The following SAMD3 variants were observed in gnomAD, a reference collection of about 807,000 sequenced individuals.
The protein encoded by SAMD3 is sterile alpha motif domain-containing protein 3.
A neutral mutation model predicts 58.5 loss-of-function variants in SAMD3; 63 were observed. That is an observed-to-expected ratio of 1.08 (90% CI 0.88 to 1.33). SAMD3 has a LOEUF of 1.33. Ranked by LOEUF, SAMD3 falls within the 40% of genes most tolerant of loss-of-function variation. The probability of loss-of-function intolerance (pLI) is 0.00; values close to 1 mark genes in which losing one functional copy is unlikely to be tolerated. For synonymous variants in SAMD3, 220 were observed against 210.3 expected, an observed-to-expected ratio of 1.05 and a Z score of -0.40; for missense variants, 604 against 608.4, an observed-to-expected ratio of 0.99 and a Z score of 0.08.
intron 5 of SAMD3, among the ~76,000 whole-genome samples, chr6:130,188,255 G>T (rs1015293475): frequency 2.6e-5 from 4 of 152,148 alleles, no homozygotes; most frequent in African/African-American, 7.2e-5. Context: ...GTTAAGAACG[G>T]GCTCAGGTGA....
chr6:130,325,298 G>A (rs1021087225), intron 1 of SAMD3, among the ~76,000 whole-genome samples: 1 of 152,122 alleles, frequency 6.6e-6, no homozygotes, highest in Non-Finnish European at 1.5e-5. Flanking sequence ...GAAGCTGTGT[G>A]AGGACAAAAG....
intron 2 of SAMD3, among the ~76,000 whole-genome samples, chr6:130,305,739 C>A (rs1214662370): frequency 6.6e-6 from 1 of 152,180 alleles, no homozygotes; most frequent in East Asian, 1.9e-4. Flanking sequence ...ACCTTGAAAT[C>A]TTGGAATAAA....
chr6:130,347,727 T>C (rs1777500964), intron 1 of SAMD3, among the ~76,000 whole-genome samples: 1 of 151,912 alleles, frequency 6.6e-6, no homozygotes, highest in African/African-American at 2.4e-5. Context: ...ATACAGAGAA[T>C]GCCACAAAGA....
intron 9 of SAMD3, among the ~76,000 whole-genome samples, chr6:130,148,262 T>C (rs1168910395): frequency 6.6e-6 from 1 of 152,260 alleles, no homozygotes; most frequent in Admixed American, 6.5e-5. Flanking sequence ...TACTTACTTA[T>C]TTCTATCACT....
At chr6:130,174,270 C>T (rs1296160497) in intron 8 of SAMD3, among the ~76,000 whole-genome samples, 2 of 152,160 alleles carry the variant, frequency 1.3e-5, no homozygotes, top group Non-Finnish European at 2.9e-5. Context: ...AAACAGCCAC[C>T]CAATTTTGTG....
chr6:130,313,372 T>C (rs1776252153), intron 1 of SAMD3, among the ~76,000 whole-genome samples: 1 of 152,100 alleles, frequency 6.6e-6, no homozygotes. Flanking sequence ...ACAGCCCCGA[T>C]CCATACACCA....
intron 2 of SAMD3, among the ~76,000 whole-genome samples, chr6:130,257,026 C>T (rs1353198105): frequency 6.6e-6 from 1 of 152,102 alleles, no homozygotes; most frequent in East Asian, 1.9e-4. Context: ...TATGTAGAGG[C>T]CTTAACCCCC....
chr6:130,346,833 T>A (rs1466977070), intron 1 of SAMD3, among the ~76,000 whole-genome samples: 5 of 152,096 alleles, frequency 3.3e-5, no homozygotes, highest in African/African-American at 1.2e-4. Context: ...ACCCCCCCAG[T>A]AGGGGTGGAC....
At chr6:130,296,590 CT>C (rs1217025232) in intron 2 of SAMD3, among the ~76,000 whole-genome samples, 1 of 152,164 alleles carries the variant, frequency 6.6e-6, no homozygotes, top group Non-Finnish European at 1.5e-5. Flanking sequence ...GTTTTTCATA[CT>C]TTTTGTGGTG....
intron 2 of SAMD3, among the ~76,000 whole-genome samples, chr6:130,241,548 A>G (rs1057454223): frequency 4.0e-5 from 6 of 151,742 alleles, no homozygotes; most frequent in Admixed American, 6.6e-5. Context: ...CTACCCTAAA[A>G]CTTTTCAATA....
intron 2 of SAMD3, among the ~76,000 whole-genome samples, chr6:130,240,867 G>T (rs901744550): frequency 1.3e-5 from 2 of 152,080 alleles, no homozygotes; most frequent in African/African-American, 4.8e-5. Context: ...AGAAATTTTT[G>T]TTCCTTATAA....
intron 5 of SAMD3, among the ~76,000 whole-genome samples, chr6:130,206,105 A>G (rs756962076): frequency 6.6e-6 from 1 of 152,186 alleles, no homozygotes; most frequent in Non-Finnish European, 1.5e-5. Context: ...GGCCATAGGG[A>G]AAATATTAAA....
At chr6:130,190,143 AT>A in intron 5 of SAMD3, among the ~76,000 whole-genome samples, 1 of 151,780 alleles carries the variant, frequency 6.6e-6, no homozygotes, top group Non-Finnish European at 1.5e-5. Context: ...TGGACTAAAG[AT>A]AAAAGAACTC....
At chr6:130,191,653 T>G (rs1793560397) in intron 5 of SAMD3, among the ~76,000 whole-genome samples, 1 of 151,980 alleles carries the variant, frequency 6.6e-6, no homozygotes, top group African/African-American at 2.4e-5. Context: ...GAGCCGCAGT[T>G]TCTCGCTTTG....
At chr6:130,332,465 G>T (rs1247079689) in intron 1 of SAMD3, among the ~76,000 whole-genome samples, 1 of 152,196 alleles carries the variant, frequency 6.6e-6, no homozygotes, top group Non-Finnish European at 1.5e-5. Context: ...GACAGAGAAG[G>T]TGTCAGAAGT....
intron 2 of SAMD3, among the ~76,000 whole-genome samples, chr6:130,274,791 G>A (rs911011201): frequency 6.6e-6 from 1 of 150,990 alleles, no homozygotes; most frequent in South Asian, 2.1e-4. Flanking sequence ...AGGGGACAAG[G>A]GCTGTGATTT....
chr6:130,175,617 A>T (rs183254336), intron 8 of SAMD3: 1 of 363,234 alleles, frequency 2.8e-6, no homozygotes, highest in Non-Finnish European at 4.9e-6. Flanking sequence ...TTGTGAAAAA[A>T]ACTGGACACG....
At chr6:130,244,775 AAATAAAAAT>A (rs1773485612) in intron 2 of SAMD3, among the ~76,000 whole-genome samples, 1 of 151,764 alleles carries the variant, frequency 6.6e-6, no homozygotes, top group Non-Finnish European at 1.5e-5. Flanking sequence ...ATAAAAATAA[AAATAAAAAT>A]AAAGCACAAT....
At chr6:130,190,342 C>T (rs1298689589) in intron 5 of SAMD3, among the ~76,000 whole-genome samples, 3 of 151,406 alleles carry the variant, frequency 2.0e-5, no homozygotes, top group Non-Finnish European at 4.4e-5. Flanking sequence ...AAATGTAATC[C>T]ATCCTCAAGA....
Sources: allele counts gnomAD v4.1 joint callset (sites outside exome capture counted in the v4.1 genomes callset), GRCh38; gene constraint gnomAD v4.1.1; transcripts MANE v1.5; gene names NCBI Gene and HGNC (gene_info 2026-07-23, HGNC 2026-07-21).